HBB: variants seen among roughly 807,000 people sequenced by gnomAD.
The protein encoded by HBB is hemoglobin subunit beta.
Under a neutral mutation model 9.7 loss-of-function variants are expected in HBB, and 18 were observed. The observed-to-expected ratio is 1.86, with a 90% confidence interval of 1.28 to 2.76. HBB has a LOEUF of 2.76. Ranked by LOEUF, HBB falls within the 30% of genes most tolerant of loss-of-function variation. The pLI, the probability that HBB is intolerant of heterozygous loss-of-function variation, is 0.00. For synonymous variants in HBB, 99 were observed against 73.6 expected (o/e 1.35, Z -1.77); for missense variants, 156 against 177.0 (o/e 0.88, Z 0.67).
At chr11:5,226,841 G>A in intron 1 of HBB, 42 bp from the exon 2 acceptor site, 1 of 1,598,304 alleles carries the variant, frequency 6.3e-7, no homozygotes, top group Non-Finnish European at 8.6e-7. Flanking sequence ...GAGAGTCAGT[G>A]CCTATCAGAA....
At position 5,226,982 on chromosome 11, in the gene HBB, C is replaced by A. The variant is rs766266418; in HGVS notation, c.40G>T (p.Ala14Ser). The part of the protein sequence containing the change: ...LTPEEKSAVT[A>S]LWGKVNVDEV... Reference sequence around the variant, plus strand: ...TCCACGTTCACCTTGCCCCACAGGGCAGTAACGGCAGACTTCTCCTCAGGA... The same window carrying A: ...TCCACGTTCACCTTGCCCCACAGGGAAGTAACGGCAGACTTCTCCTCAGGA... The change falls in exon 1 of 3, where the codon GCC (alanine) becomes TCC (serine). Residue 14 changes from alanine to serine, a missense_variant. Ala to Ser is a moderately conservative substitution (Grantham distance 99). Coordinates refer to ENST00000335295, the MANE Select transcript of HBB (RefSeq NM_000518.5). 6.2e-7 allele frequency: 1 copy of A among 1,613,658 alleles called. No homozygotes were observed. Among genetic ancestry groups the A allele is most frequent in the South Asian group, 1.1e-5 (1 of 91,074 alleles).
rs33959855 is a variant in HBB at position 5,226,955 on chromosome 11, C to T, written c.67G>A (p.Glu23Lys). 5 of 1,613,904 alleles carry T rather than the reference C, an allele frequency of 3.1e-6. No individual in the cohort carries two copies. Among genetic ancestry groups the T allele is most frequent in the East Asian group, 2.2e-5 (1 of 44,872 alleles). The change falls in exon 1 of 3, where the codon GAA becomes AAA. Residue 23 changes from glutamate to lysine, a missense_variant. Coordinates refer to ENST00000335295, the MANE Select transcript of HBB (RefSeq NM_000518.5). Reference protein sequence around the residue: ...TALWGKVNVDEVGGEALGRLL... With the variant: ...TALWGKVNVDKVGGEALGRLL... ...CTGCCCAGGGCCTCACCACCAACTT[C>T]ATCCACGTTCACCTTGCCCCACAGG...
rs879578966 is a variant in HBB, at chr11:5,226,363, G to GA, written c.315+213dup. 114 of 597,392 alleles carry GA rather than the reference G, an allele frequency of 1.9e-4. No homozygotes were observed. Among genetic ancestry groups the GA allele is most frequent in the Middle Eastern group, 4.4e-4 (1 of 2,252 alleles). The allele number at this position is 597,392 out of a possible 1,614,324, so 37.0% of individuals were successfully genotyped here. ...GTATAATAGTAAAAATTGCGGAGAA[G>GA]AAAAAAAAAGAAAGCAAGAATTAAA... On this transcript the variant is annotated intron_variant, in intron 2 of 2. Coordinates refer to ENST00000335295, the MANE Select transcript of HBB (RefSeq NM_000518.5).
chr11:5,225,771 C>G lies in HBB; in HGVS notation c.316-45G>C, dbSNP rs140033163. ...GGTATGAACATGATTAGCAAAAGGG[C>G]CTAGCTTGGACTCAGAATAATCCAG... On this transcript the variant is annotated intron_variant, in intron 2 of 2. Transcript: ENST00000335295. 823 of 1,609,342 alleles carry G rather than the reference C, an allele frequency of 5.1e-4. 13 individuals are homozygous for G. The East Asian group carries it at 0.018, about 34-fold the overall frequency.
chr11:5,225,670 G>T lies in HBB; in HGVS notation c.372C>A (p.Thr124=), dbSNP rs780307221. 4 of 1,613,956 alleles carry T rather than the reference G, an allele frequency of 2.5e-6. No individual in the cohort carries two copies. Among genetic ancestry groups the T allele is most frequent in the Non-Finnish European group, 3.4e-6 (4 of 1,179,888 alleles). ...VLAHHFGKEF[T]PPVQAAYQKV... ...TCTGATAGGCAGCCTGCACTGGTGG[G>T]GTGAATTCTTTGCCAAAGTGATGGG... The change falls in exon 3 of 3, where the codon ACC becomes ACA. Residue 124 remains threonine, a synonymous_variant. Transcript: ENST00000335295.
Position 5,226,732 on chromosome 11 carries a change from C to T in HBB, c.160G>A (p.Ala54Thr), listed in dbSNP as rs36005841. 2.5e-6 allele frequency: 4 copies of T among 1,614,138 alleles called. No homozygotes were observed. The South Asian group carries it at 3.3e-5, about 13-fold the overall frequency. Residue 54 changes from alanine to threonine, a missense_variant, in exon 2 of 3, where the codon GCT (alanine) becomes ACT (threonine). Transcript: ENST00000335295. ...TTCACCTTAGGGTTGCCCATAACAG[C>T]ATCAGGAGTGGACAGATCCCCAAAG... ...ESFGDLSTPD[A>T]VMGNPKVKAH... is the part of the protein sequence containing the mutation.
chr11:5,226,545 G>T (rs1847548898), intron 2 of HBB, 32 bp downstream of exon 2: 3 of 1,593,420 alleles, frequency 1.9e-6, no homozygotes, highest in African/African-American at 2.7e-5. Flanking sequence ...AAAAGAAGGG[G>T]AAAGAAAACA....
intron 2 of HBB, among the ~76,000 whole-genome samples, 186 bp from the exon 3 acceptor site, chr11:5,225,912 A>G (rs1299172575): frequency 6.6e-6 from 1 of 152,192 alleles, no homozygotes; most frequent in East Asian, 1.9e-4. Flanking sequence ...ATATGCAGAG[A>G]TATTGCTATT....
At chr11:5,226,252 A>G (rs537557714) in intron 2 of HBB, 1 of 509,380 alleles carries the variant, frequency 2.0e-6, no homozygotes, top group Non-Finnish European at 3.5e-6. Context: ...GTAATGTACT[A>G]GGCAGACTGT....
rs193922562 is a variant in HBB at position 5,225,718 on chromosome 11, G to A, written c.324C>T (p.Gly108=). The change falls in exon 3 of 3, where the codon GGC becomes GGT. Residue 108 remains glycine (G), a synonymous_variant. Coordinates refer to ENST00000335295, the MANE Select transcript of HBB (RefSeq NM_000518.5). ...GGGCCAGCACACAGACCAGCACGTT[G>A]CCCAGGAGCTGTGGGAGGAAGATAA... ...HVDPENFRLL[G]NVLVCVLAHH... 79 of 1,614,064 alleles carry A rather than the reference G, an allele frequency of 4.9e-5. No individual in the cohort carries two copies. In the African/African-American group the frequency reaches 9.3e-4, roughly 19 times the overall value.
intron 2 of HBB, 80 bp downstream of exon 2, chr11:5,226,497 T>C: frequency 1.6e-6 from 2 of 1,287,564 alleles, no homozygotes; most frequent in Non-Finnish European, 2.3e-6. Context: ...CTGTACCCTG[T>C]TACTTATCCC....
Position 5,225,711 on chromosome 11 carries a change from G to A in HBB, c.331C>T (p.Leu111=), listed in dbSNP as rs1310721664. 1.9e-6 allele frequency: 3 copies of A among 1,614,072 alleles called. No individual in the cohort carries two copies. The highest frequency in any genetic ancestry group is 1.3e-5 in the African/African-American group (1 of 75,036). Residue 111 remains leucine (L), a synonymous_variant, in exon 3 of 3, where the codon CTG becomes TTG. Coordinates refer to ENST00000335295, the MANE Select transcript of HBB (RefSeq NM_000518.5). ...AAGTGATGGGCCAGCACACAGACCAGCACGTTGCCCAGGAGCTGTGGGAGG... is the reference window on the plus strand; with the variant it reads ...AAGTGATGGGCCAGCACACAGACCAACACGTTGCCCAGGAGCTGTGGGAGG... ...PENFRLLGNV[L]VCVLAHHFGK...
Position 5,227,033 on chromosome 11 carries a change from G to C in HBB, c.-12C>G, listed in dbSNP as rs113115948. ...GTCAGATGCACCATGGTGTCTGTTT[G>C]AGGTTGCTAGTGAACACAGTTGTGT... On this transcript the variant is annotated 5_prime_UTR_variant, in exon 1 of 3. Coordinates refer to ENST00000335295, the MANE Select transcript of HBB (RefSeq NM_000518.5). 4.5e-6 allele frequency: 7 copies of C among 1,544,818 alleles called. No homozygotes were observed. Among genetic ancestry groups the C allele is most frequent in the Non-Finnish European group, 6.3e-6 (7 of 1,116,306 alleles).
In HBB at chr11:5,226,990, G is replaced by A. The variant is rs33947457; in HGVS notation, c.32C>T (p.Ala11Val). Residue 11 changes from alanine to valine, a missense_variant, in exon 1 of 3, where the codon GCC becomes GTC. Physicochemically the swap from Ala to Val is moderately conservative, Grantham distance 64 (BLOSUM62 0). Transcript: ENST00000335295. ...CACCTTGCCCCACAGGGCAGTAACGGCAGACTTCTCCTCAGGAGTCAGATG... is the reference window on the plus strand; with the variant it reads ...CACCTTGCCCCACAGGGCAGTAACGACAGACTTCTCCTCAGGAGTCAGATG... MVHLTPEEKS[A>V]VTALWGKVNV... 1 of 1,613,016 alleles carries A rather than the reference G, an allele frequency of 6.2e-7. No homozygotes were observed. Among genetic ancestry groups the A allele is most frequent in the African/African-American group, 1.3e-5 (1 of 74,998 alleles).
In HBB at chr11:5,226,313, G is replaced by T. The variant is rs187507944; in HGVS notation, c.315+264C>A. 4 of 583,998 alleles carry T rather than the reference G, an allele frequency of 6.8e-6. No homozygotes were observed. Among genetic ancestry groups the T allele is most frequent in the Non-Finnish European group, 1.2e-5 (4 of 331,190 alleles). 36.2% of individuals were successfully genotyped at this position (583,998 alleles called of 1,614,324 possible). A position where few individuals can be genotyped will look rare whatever the true frequency, so the allele number is the denominator to read the frequency against. ...ATGTATCTCAGAGATATTTCCTTTT[G>T]TTATACACAATGTTAAGGCATTAAG... On this transcript the variant is annotated intron_variant, in intron 2 of 2. Transcript: ENST00000335295.
Position 5,225,757 on chromosome 11 carries a change from G to A in HBB, c.316-31C>T, listed in dbSNP as rs578102677. On this transcript the variant is annotated intron_variant, in intron 2 of 2. Transcript: ENST00000335295. ...GGAGGAAGATAAGAGGTATGAACAT[G>A]ATTAGCAAAAGGGCCTAGCTTGGAC... 11 of 1,613,098 alleles carry A rather than the reference G, an allele frequency of 6.8e-6. No individual in the cohort carries two copies. The South Asian group carries it at 8.8e-5, about 13-fold the overall frequency.
Position 5,225,825 on chromosome 11 carries a change from A to G in HBB, c.316-99T>C. On this transcript the variant is annotated intron_variant, in intron 2 of 2. Coordinates refer to ENST00000335295, the MANE Select transcript of HBB (RefSeq NM_000518.5). ...TATCCCAACCATAAAATAAAAGCAG[A>G]ATGGTAGCTGGATTGTAGCTGCTAT... 1 of 1,253,428 alleles carries G rather than the reference A, an allele frequency of 8.0e-7. No homozygotes were observed. Among genetic ancestry groups the G allele is most frequent in the Non-Finnish European group, 1.2e-6 (1 of 855,190 alleles). The allele number at this position is 1,253,428 out of a possible 1,614,324, so 77.6% of individuals were successfully genotyped here. A position where few individuals can be genotyped will look rare whatever the true frequency, so the allele number is the denominator to read the frequency against.
rs1847546062 is a variant in HBB at position 5,226,378 on chromosome 11, C to T, written c.315+199G>A. 1 of 619,072 alleles carries T rather than the reference C, an allele frequency of 1.6e-6. No homozygotes were observed. Among genetic ancestry groups the T allele is most frequent in the Non-Finnish European group, 2.8e-6 (1 of 355,134 alleles). The allele number at this position is 619,072 out of a possible 1,614,324, so 38.3% of individuals were successfully genotyped here. ...TTGCGGAGAAGAAAAAAAAAGAAAG[C>T]AAGAATTAAACAAAAGAAAACAATT... On this transcript the variant is annotated intron_variant, in intron 2 of 2. Transcript: ENST00000335295.
At chr11:5,225,859 T>G in intron 2 of HBB, 133 bp from the exon 3 acceptor site, 1 of 835,860 alleles carries the variant, frequency 1.2e-6, no homozygotes, top group Admixed American at 2.0e-5. Context: ...ATTAGCAATA[T>G]GAAACCTCTT....
Sources: gnomAD v4.1 joint callset for allele counts (sites outside exome capture counted in the v4.1 genomes callset) on GRCh38, gnomAD v4.1.1 for gene constraint, MANE v1.5 for transcripts, NCBI Gene and HGNC (gene_info 2026-07-23, HGNC 2026-07-21) for gene names.